ZCCHC24: variants seen among roughly 807,000 people sequenced by gnomAD.
ZCCHC24 encodes the protein zinc finger CCHC domain-containing protein 24.
In ZCCHC24, 10 loss-of-function variants were observed where a neutral mutation model predicts 26.2. That is an observed-to-expected ratio of 0.38 (90% CI 0.24 to 0.65). The LOEUF (loss-of-function observed/expected upper bound fraction) is 0.65. Ranked by LOEUF, ZCCHC24 falls within the 30% of genes least tolerant of loss-of-function variation. The pLI is 0.54. For missense variants in ZCCHC24, 243 were observed against 329.1 expected (o/e 0.74, Z 2.03); for synonymous variants, 144 against 147.1 (o/e 0.98, Z 0.15).
At chr10:79,430,191 G>C (rs147733111) in intron 2 of ZCCHC24, among the ~76,000 whole-genome samples, 19 of 152,150 alleles carry the variant, frequency 1.2e-4, no homozygotes, top group African/African-American at 4.6e-4. Context: ...CTGGGTGTCA[G>C]TGCTCTCCTT....
chr10:79,418,507 C>A (rs756475582), intron 2 of ZCCHC24, among the ~76,000 whole-genome samples: 39 of 152,206 alleles, frequency 2.6e-4, no homozygotes, highest in Non-Finnish European at 4.3e-4. Context: ...GCACGACTCA[C>A]CAAGGCAGGA....
At chr10:79,409,963 A>T (rs1856769106) in intron 2 of ZCCHC24, among the ~76,000 whole-genome samples, 1 of 152,138 alleles carries the variant, frequency 6.6e-6, no homozygotes, top group East Asian at 1.9e-4. Flanking sequence ...AAGGCAGGGG[A>T]TGCGTTCAAC....
At chr10:79,397,444 C>A (rs1342726098) in intron 2 of ZCCHC24, among the ~76,000 whole-genome samples, 1 of 152,194 alleles carries the variant, frequency 6.6e-6, no homozygotes, top group Non-Finnish European at 1.5e-5. Flanking sequence ...TAGTGCATGT[C>A]CCTCTGACTG....
Position 79,445,244 on chromosome 10 carries a change from G to C in ZCCHC24, c.197C>G (p.Pro66Arg), listed in dbSNP as rs772964530. ...GCTGTTGAGATAGCTGGAGTGCAGG[G>C]GCGAGCCCAGCTGCTCGGGGCGGCC... ...GKGRPEQLGS[P>R]LHSSYLNSFF... The change falls in exon 1 of 4, where the codon CCC (proline) becomes CGC (arginine). Residue 66 changes from proline (P) to arginine (R), a missense_variant. Around this residue, in one of 2 missense-constraint regions of ZCCHC24, gnomAD observed 147 missense variants for 150.8 expected, o/e 0.97. Coordinates refer to ENST00000372336, the MANE Select transcript of ZCCHC24 (RefSeq NM_153367.4). The C allele has an allele frequency of 2.9e-6, 4 of 1,400,446 alleles. No individual in the cohort carries two copies. In the South Asian group the frequency reaches 6.1e-5, roughly 21 times the overall value. The allele number at this position is 1,400,446 out of a possible 1,614,324, so 86.8% of individuals were successfully genotyped here.
chr10:79,387,256 C>T (rs185663144), intron 3 of ZCCHC24, among the ~76,000 whole-genome samples: 80 of 152,288 alleles, frequency 5.3e-4, no homozygotes, highest in African/African-American at 1.8e-3. Context: ...CAGGGAGCCT[C>T]CGTTTCCATA....
At position 79,438,921 on chromosome 10, in the gene ZCCHC24, C is replaced by T. The variant is rs116183716; in HGVS notation, c.247-6163G>A. On this transcript the variant is annotated intron_variant, in intron 1 of 3. Transcript: ENST00000372336. ...CAGCTAGTGTGTAAGCACTGGGGACCGGGCTGCCTCTTACTGCTAGAGCAT... is the reference window on the plus strand; with the variant it reads ...CAGCTAGTGTGTAAGCACTGGGGACTGGGCTGCCTCTTACTGCTAGAGCAT... Among the ~76,000 whole-genome samples, 498 of 152,262 alleles carry T rather than the reference C, an allele frequency of 3.3e-3. 4 individuals are homozygous for T. The highest frequency in any genetic ancestry group is 0.011 in the African/African-American group (463 of 41,540).
intron 2 of ZCCHC24, chr10:79,403,432 T>A: frequency 4.1e-6 from 4 of 985,424 alleles, no homozygotes; most frequent in Non-Finnish European, 4.8e-6. Flanking sequence ...CATGTCCACA[T>A]GCACGGCCGG....
chr10:79,395,321 C>T (rs1444676675), intron 2 of ZCCHC24, among the ~76,000 whole-genome samples: 3 of 152,348 alleles, frequency 2.0e-5, no homozygotes, highest in Non-Finnish European at 2.9e-5. Context: ...ATGCAAGCTC[C>T]GTAGTGCATT....
chr10:79,435,987 G>C (rs539757738), intron 1 of ZCCHC24, among the ~76,000 whole-genome samples: 1 of 152,178 alleles, frequency 6.6e-6, no homozygotes, highest in African/African-American at 2.4e-5. Flanking sequence ...AAAATGGAGC[G>C]GGGAAGGGGG....
intron 2 of ZCCHC24, among the ~76,000 whole-genome samples, chr10:79,418,085 T>G (rs985410559): frequency 1.3e-5 from 2 of 152,190 alleles, no homozygotes; most frequent in South Asian, 2.1e-4. Context: ...CAAGACCCCA[T>G]GGCAGTTGAG....
In ZCCHC24 at chr10:79,382,375, T is replaced by C. The variant is rs536341560; in HGVS notation, c.*3970A>G. 2.6e-5 allele frequency: 4 copies of C among 152,918 alleles called. No homozygotes were observed. Among genetic ancestry groups the C allele is most frequent in the African/African-American group, 7.2e-5 (3 of 41,582 alleles). The allele number at this position is 152,918 out of a possible 1,614,324, so 9.5% of individuals were successfully genotyped here. ...ACAGCATGAAGAGGCTATATTTCTA[T>C]AGGCGAGCCGTATACAGATTCTCCA... On this transcript the variant is annotated 3_prime_UTR_variant, in exon 4 of 4. Coordinates refer to ENST00000372336, the MANE Select transcript of ZCCHC24 (RefSeq NM_153367.4).
chr10:79,400,289 G>A (rs1856611559), intron 2 of ZCCHC24, among the ~76,000 whole-genome samples: 1 of 152,214 alleles, frequency 6.6e-6, no homozygotes, highest in African/African-American at 2.4e-5. Flanking sequence ...GTCCATTACA[G>A]CATGAGTTAG....
In ZCCHC24 at chr10:79,421,695, C is replaced by T. The variant is rs550239601; in HGVS notation, c.447+10863G>A. Among the ~76,000 whole-genome samples, 9 of 152,192 alleles carry T rather than the reference C, an allele frequency of 5.9e-5. 1 individual carries two copies. The highest frequency in any genetic ancestry group is 6.5e-5 in the Admixed American group (1 of 15,280). ...AGGCTGGAGTGCAGTGGTGCGATCT[C>T]GGCTCACTGCAACCTCCACATCCTG... is the stretch of plus-strand genomic sequence containing the variant. On this transcript the variant is annotated intron_variant, in intron 2 of 3. Coordinates refer to ENST00000372336, the MANE Select transcript of ZCCHC24 (RefSeq NM_153367.4).
chr10:79,432,432 G>T, intron 2 of ZCCHC24, 126 bp downstream of exon 2: 1 of 992,562 alleles, frequency 1.0e-6, no homozygotes, highest in Non-Finnish European at 1.4e-6. Context: ...GAGGCCAGAG[G>T]ACCACGGGGC....
Position 79,386,114 on chromosome 10 carries a change from T to A in ZCCHC24, c.*231A>T. On this transcript the variant is annotated 3_prime_UTR_variant, in exon 4 of 4. Coordinates refer to ENST00000372336, the MANE Select transcript of ZCCHC24 (RefSeq NM_153367.4). ...CCTCCACTGAGACCCCAGGCCCGCC[T>A]GCAAAAAGCCCCAGACTCCCTGCTT... 2 of 592,660 alleles carry A rather than the reference T, an allele frequency of 3.4e-6. No individual in the cohort carries two copies. Among genetic ancestry groups the A allele is most frequent in the Non-Finnish European group, 6.2e-6 (2 of 322,630 alleles). The allele number at this position is 592,660 out of a possible 1,614,324, so 36.7% of individuals were successfully genotyped here.
At chr10:79,397,574 C>T (rs1227430479) in intron 2 of ZCCHC24, among the ~76,000 whole-genome samples, 2 of 152,172 alleles carry the variant, frequency 1.3e-5, no homozygotes, top group East Asian at 1.9e-4. Context: ...AACTCACTCC[C>T]CCATGTCTCC....
chr10:79,444,307 G>C (rs1446403913), intron 1 of ZCCHC24: 1 of 1,373,042 alleles, frequency 7.3e-7, no homozygotes, highest in African/African-American at 1.5e-5. Flanking sequence ...GCAGGCCCTG[G>C]AGACTCTTCA....
chr10:79,401,745 C>T (rs1405162717), intron 2 of ZCCHC24, among the ~76,000 whole-genome samples: 1 of 152,226 alleles, frequency 6.6e-6, no homozygotes, highest in Admixed American at 6.5e-5. Flanking sequence ...TGGCAGCCCA[C>T]TCACGCTCCG....
At chr10:79,423,581 C>CTATATATATATTATA in intron 2 of ZCCHC24, among the ~76,000 whole-genome samples, 2 of 53,746 alleles carry the variant, frequency 3.7e-5, no homozygotes, top group African/African-American at 1.5e-4. Flanking sequence ...AATATATATA[C>CTATATATATATTATA]TATATATATA....
Sources: gnomAD v4.1 joint callset for allele counts (sites outside exome capture counted in the v4.1 genomes callset) on GRCh38, gnomAD v4.1.1 for gene constraint, gnomAD v4.1.1 regional missense constraint, MANE v1.5 for transcripts, NCBI Gene and HGNC (gene_info 2026-07-23, HGNC 2026-07-21) for gene names.